Variants in GPR39 observed in about 807,000 individuals in gnomAD.
The protein encoded by GPR39 is G protein-coupled receptor 39.
In GPR39, 23 loss-of-function variants were observed where a neutral mutation model predicts 18.4. The ratio of observed to expected loss-of-function variants is 1.25; its 90% CI spans 0.90 to 1.77. GPR39 has a LOEUF of 1.77. GPR39 is among the 40% of genes most tolerant of loss of function. The probability of loss-of-function intolerance (pLI) is 0.00; values close to 1 mark genes in which losing one functional copy is unlikely to be tolerated. For synonymous variants in GPR39, 280 were observed against 257.9 expected, an observed-to-expected ratio of 1.09 and a Z score of -0.82; for missense variants, 647 against 602.4, an observed-to-expected ratio of 1.07 and a Z score of -0.78.
At chr2:132,454,215 T>G (rs1238754752) in intron 1 of GPR39, among the ~76,000 whole-genome samples, 2 of 152,208 alleles carry the variant, frequency 1.3e-5, no homozygotes, top group Admixed American at 1.3e-4. Context: ...TAAATTGAAT[T>G]CCTAGGTATT....
chr2:132,501,102 A>ATTTTT (rs1679029427), intron 1 of GPR39, among the ~76,000 whole-genome samples: 1 of 59,922 alleles, frequency 1.7e-5, no homozygotes, highest in Non-Finnish European at 3.4e-5. Flanking sequence ...TTCTACTCTG[A>ATTTTT]TCTTTGTTAT....
chr2:132,581,816 T>C (rs953822771), intron 1 of GPR39, among the ~76,000 whole-genome samples: 1 of 152,230 alleles, frequency 6.6e-6, no homozygotes, highest in Non-Finnish European at 1.5e-5. Flanking sequence ...AGTATGGTGC[T>C]CTTGGGGCCC....
At chr2:132,503,797 G>A (rs1193816276) in intron 1 of GPR39, among the ~76,000 whole-genome samples, 1 of 152,268 alleles carries the variant, frequency 6.6e-6, no homozygotes, top group East Asian at 1.9e-4. Context: ...ATGGGGGTGT[G>A]GTTCCCATTC....
chr2:132,522,112 G>C (rs562984760), intron 1 of GPR39, among the ~76,000 whole-genome samples: 2 of 152,158 alleles, frequency 1.3e-5, no homozygotes, highest in Non-Finnish European at 2.9e-5. Context: ...CCGGCTGGGG[G>C]ATTTGGAGTC....
intron 1 of GPR39, among the ~76,000 whole-genome samples, chr2:132,457,116 A>G (rs1680742805): frequency 1.3e-5 from 2 of 152,300 alleles, no homozygotes; most frequent in Admixed American, 6.5e-5. Flanking sequence ...TAAGGGACAC[A>G]AATCAAATGT....
At chr2:132,440,438 G>A (rs1439272379) in intron 1 of GPR39, among the ~76,000 whole-genome samples, 1 of 152,178 alleles carries the variant, frequency 6.6e-6, no homozygotes, top group Non-Finnish European at 1.5e-5. Context: ...CCTTCCTAGG[G>A]GTGTGAACTG....
chr2:132,588,251 G>T (rs1680766724), intron 1 of GPR39, among the ~76,000 whole-genome samples: 1 of 152,188 alleles, frequency 6.6e-6, no homozygotes, highest in African/African-American at 2.4e-5. Flanking sequence ...TGAGAGGGAG[G>T]TTCTCTTCGC....
At chr2:132,507,444 C>A (rs1359494284) in intron 1 of GPR39, among the ~76,000 whole-genome samples, 1 of 152,136 alleles carries the variant, frequency 6.6e-6, no homozygotes, top group African/African-American at 2.4e-5. Flanking sequence ...CTGCTCTGAG[C>A]ATTTCACTTG....
rs531558214 is a variant in GPR39, at chr2:132,558,260, C to G, written c.857-86841C>G. 2.7e-4 allele frequency among the ~76,000 whole-genome samples: 41 copies of G among 152,206 alleles called. No homozygotes were observed. The South Asian group carries it at 8.3e-3, about 31-fold the overall frequency. On this transcript the variant is annotated intron_variant, in intron 1 of 1. Coordinates refer to ENST00000329321, the MANE Select transcript of GPR39 (RefSeq NM_001508.3). Reference sequence around the variant, plus strand: ...TACTTGGTCTGTAAAATGAGACTAGCAATACCTGCTCTGTTGTCTCTTGTG... The same window carrying G: ...TACTTGGTCTGTAAAATGAGACTAGGAATACCTGCTCTGTTGTCTCTTGTG...
chr2:132,534,978 C>G (rs931401105), intron 1 of GPR39, among the ~76,000 whole-genome samples: 34 of 141,692 alleles, frequency 2.4e-4, no homozygotes, highest in African/African-American at 9.1e-4. Context: ...ACCCTAAAAC[C>G]TAAAGTATAA....
At chr2:132,633,452 G>A (rs1235044908) in intron 1 of GPR39, among the ~76,000 whole-genome samples, 1 of 151,652 alleles carries the variant, frequency 6.6e-6, no homozygotes, top group Non-Finnish European at 1.5e-5. Flanking sequence ...AGAACTTTGG[G>A]CTGTTAAACA....
rs73955642 is a variant in GPR39 at position 132,422,844 on chromosome 2, G to A, written c.856+4946G>A. 6.2e-3 allele frequency among the ~76,000 whole-genome samples: 946 copies of A among 152,008 alleles called. 27 individuals are homozygous for A. The highest frequency in any genetic ancestry group is 0.022 in the African/African-American group (914 of 41,356). ...TCTGTTGGAGAGATGCATAGTTTCC[G>A]AGGAAGGGGAGATTGAAATCCCAGT... is the stretch of plus-strand genomic sequence containing the variant. On this transcript the variant is annotated intron_variant, in intron 1 of 1. Coordinates refer to ENST00000329321, the MANE Select transcript of GPR39 (RefSeq NM_001508.3).
chr2:132,505,370 C>T (rs919129775), intron 1 of GPR39, among the ~76,000 whole-genome samples: 1 of 152,208 alleles, frequency 6.6e-6, no homozygotes. Flanking sequence ...TGCCCACCAC[C>T]TGGGGAAGTT....
At chr2:132,644,832 C>A in intron 1 of GPR39, 1 of 413,096 alleles carries the variant, frequency 2.4e-6, no homozygotes, top group Non-Finnish European at 4.3e-6. Flanking sequence ...TTAAAATTAA[C>A]AGACATCAAC....
At chr2:132,440,306 C>T (rs748189479) in intron 1 of GPR39, among the ~76,000 whole-genome samples, 11 of 152,196 alleles carry the variant, frequency 7.2e-5, no homozygotes, top group East Asian at 1.9e-4. Context: ...AACCATCTCT[C>T]GCCTGCCCTC....
chr2:132,566,897 G>A (rs573127169), intron 1 of GPR39, among the ~76,000 whole-genome samples: 1 of 152,264 alleles, frequency 6.6e-6, no homozygotes, highest in South Asian at 2.1e-4. Context: ...CCTGCTGTGG[G>A]ACCAGCTCTG....
At chr2:132,577,986 A>T (rs1680557281) in intron 1 of GPR39, among the ~76,000 whole-genome samples, 1 of 151,968 alleles carries the variant, frequency 6.6e-6, no homozygotes, top group Non-Finnish European at 1.5e-5. Flanking sequence ...GGCTTTCATT[A>T]AGTGTAACGT....
At chr2:132,498,942 C>G (rs1381248863) in intron 1 of GPR39, among the ~76,000 whole-genome samples, 3 of 151,976 alleles carry the variant, frequency 2.0e-5, no homozygotes, top group African/African-American at 4.8e-5. Flanking sequence ...TTTGAGTTCT[C>G]TATAGATTCT....
At chr2:132,520,177 T>C (rs865879538) in intron 1 of GPR39, among the ~76,000 whole-genome samples, 13 of 152,214 alleles carry the variant, frequency 8.5e-5, no homozygotes, top group Non-Finnish European at 1.5e-4. Context: ...AATTTTAATT[T>C]ACTTTCTTTA....
Sources: allele counts gnomAD v4.1 joint callset (sites outside exome capture counted in the v4.1 genomes callset), GRCh38; gene constraint gnomAD v4.1.1; transcripts MANE v1.5; gene names NCBI Gene and HGNC (gene_info 2026-07-23, HGNC 2026-07-21).